Variants in PDIA6 observed in about 807,000 individuals in gnomAD.
PDIA6 encodes protein disulfide isomerase family A member 6, also known as protein disulfide-isomerase A6.
A neutral mutation model predicts 58.4 loss-of-function variants in PDIA6; 29 were observed. That is an observed-to-expected ratio of 0.50 (90% CI 0.37 to 0.68). The LOEUF (loss-of-function observed/expected upper bound fraction) is 0.68, where lower values mean the gene tolerates loss of function less well. Ranked by LOEUF, PDIA6 falls within the 30% of genes least tolerant of loss-of-function variation. The pLI is 0.00. For synonymous variants in PDIA6, 192 were observed against 202.6 expected (o/e 0.95, Z 0.44); for missense variants, 480 against 551.0 (o/e 0.87, Z 1.29).
chr2:10,806,622 T>TAAAGACAAAGAAAGACAGAAAG lies in PDIA6; in HGVS notation c.20-3983_20-3982insCTTTCTGTCTTTCTTTGTCTTT, dbSNP rs1553339909. Among the ~76,000 whole-genome samples the TAAAGACAAAGAAAGACAGAAAG allele has an allele frequency of 1.0e-4, 5 of 48,758 alleles. No individual in the cohort carries two copies. The Admixed American group carries it at 1.3e-3, about 12-fold the overall frequency. The allele number at this position is 48,758 out of a possible 152,430, so 32.0% of individuals were successfully genotyped here. On this transcript the variant is annotated intron_variant, in intron 1 of 12. Coordinates refer to ENST00000272227, the MANE Select transcript of PDIA6 (RefSeq NM_005742.4). ...TAGCAAAACCACATCTCCTAAAAAA[T>TAAAGACAAAGAAAGACAGAAAG]AAAGACAGAAAGAAAGAAAGAAAGA...
intron 2 of PDIA6, among the ~76,000 whole-genome samples, chr2:10,800,537 T>G (rs1572672292): frequency 6.7e-6 from 1 of 148,824 alleles, no homozygotes; most frequent in African/African-American, 2.4e-5. Flanking sequence ...GGTTTTTTTT[T>G]GCGATTCTAT....
At chr2:10,800,901 A>G (rs1666483354) in intron 2 of PDIA6, among the ~76,000 whole-genome samples, 1 of 152,172 alleles carries the variant, frequency 6.6e-6, no homozygotes, top group Non-Finnish European at 1.5e-5. Context: ...GTGAGCCATC[A>G]TGCCTGACCG....
rs565180851 is a variant in PDIA6 at position 10,788,065 on chromosome 2, C to CAAAAAAAAAAAAAAA, written c.998+617_999-627dup. On this transcript the variant is annotated intron_variant, in intron 10 of 12. Coordinates refer to ENST00000272227, the MANE Select transcript of PDIA6 (RefSeq NM_005742.4). Reference sequence around the variant, plus strand: ...TGGGCAAGAGAGTGAGACTCTGTCTCAAAAAAAAAAAAAAAGGATAAAATA... The same window carrying CAAAAAAAAAAAAAAA: ...TGGGCAAGAGAGTGAGACTCTGTCTCAAAAAAAAAAAAAAAAAAAAAAAAAAAAAAGGATAAAATA... Among the ~76,000 whole-genome samples, 149 of 102,130 alleles carry CAAAAAAAAAAAAAAA rather than the reference C, an allele frequency of 1.5e-3. 2 individuals carry two copies. Among genetic ancestry groups the CAAAAAAAAAAAAAAA allele is most frequent in the Admixed American group, 2.2e-3 (19 of 8,800 alleles). 67.0% of individuals were successfully genotyped at this position (102,130 alleles called of 152,430 possible).
At chr2:10,785,522 G>A (rs142656124) in intron 11 of PDIA6, among the ~76,000 whole-genome samples, 598 of 152,214 alleles carry the variant, frequency 3.9e-3, no homozygotes, top group Middle Eastern at 6.8e-3. Flanking sequence ...TGGGAAACCA[G>A]AGCCAGAAAT....
chr2:10,784,865 C>A, intron 12 of PDIA6, 69 bp downstream of exon 12: 1 of 1,157,670 alleles, frequency 8.6e-7, no homozygotes. Context: ...ACTCCAGGTG[C>A]AGAGATGCAC....
At chr2:10,794,694 C>G (rs1013786482) in intron 4 of PDIA6, among the ~76,000 whole-genome samples, 1 of 151,414 alleles carries the variant, frequency 6.6e-6, no homozygotes, top group Non-Finnish European at 1.5e-5. Flanking sequence ...TTTGGGAGGC[C>G]GAGGCAGGCG....
At position 10,789,812 on chromosome 2, in the gene PDIA6, G is replaced by A. The variant is rs138712410; in HGVS notation, c.777C>T (p.Ser259=). Residue 259 remains serine, a synonymous_variant, in exon 8 of 13, where the codon TCC becomes TCT. Coordinates refer to ENST00000272227, the MANE Select transcript of PDIA6 (RefSeq NM_005742.4). The part of the protein sequence containing the change: ...PVDYDGGRTR[S]DIVSRALDLF... The stretch of plus-strand genomic sequence containing the variant: ...AATCAAGGGCCCGGGACACGATGTC[G>A]GATCTTGTCCGCCCACCGTCATAAT... 5.7e-3 allele frequency: 9,169 copies of A among 1,613,522 alleles called. 63 individuals carry two copies. Among genetic ancestry groups the A allele is most frequent in the South Asian group, 0.02 (1,864 of 91,054 alleles).
upstream of PDIA6, among the ~76,000 whole-genome samples, chr2:10,833,938 G>A (rs1455596750): frequency 1.3e-5 from 2 of 152,220 alleles, no homozygotes; most frequent in Non-Finnish European, 2.9e-5. Flanking sequence ...CCTCCTCCCA[G>A]GTCCCACCAG....
intron 12 of PDIA6, 200 bp from the exon 13 acceptor site, chr2:10,784,526 A>G (rs182713019): frequency 3.7e-6 from 2 of 540,822 alleles, no homozygotes; most frequent in Admixed American, 7.3e-5. Flanking sequence ...ACATTTCAAC[A>G]TCACATCACT....
At chr2:10,826,735 C>A (rs1667566595) in intron 1 of PDIA6, among the ~76,000 whole-genome samples, 1 of 152,180 alleles carries the variant, frequency 6.6e-6, no homozygotes, top group East Asian at 1.9e-4. Flanking sequence ...CAGACAGAAC[C>A]TTTCCCAGTG....
chr2:10,785,016 C>A lies in PDIA6; in HGVS notation c.1172G>T (p.Gly391Val). 1 of 1,579,242 alleles carries A rather than the reference C, an allele frequency of 6.3e-7. No homozygotes were observed. Among genetic ancestry groups the A allele is most frequent in the South Asian group, 1.2e-5 (1 of 86,446 alleles). ...TCCTACAGGTGCCGTGGAGCCACGC[C>A]CAAAAGAGAGCTCCCTTAGGGAAAA... is the stretch of plus-strand genomic sequence containing the variant. ...INEFLRELSF[G>V]RGSTAPVGGG... is the part of the protein sequence containing the mutation. Residue 391 changes from glycine to valine, a missense_variant, in exon 12 of 13, where the codon GGG (glycine) becomes GTG (valine). By Grantham distance (109) the Gly-to-Val change is moderately radical (BLOSUM62 -3). Transcript: ENST00000272227.
chr2:10,832,585 C>G (rs1304560721), upstream of PDIA6: 1 of 208,374 alleles, frequency 4.8e-6, no homozygotes, highest in African/African-American at 2.4e-5. Flanking sequence ...GCTCAGGACT[C>G]GTGCGCTTTT....
chr2:10,787,201 T>C, intron 11 of PDIA6, 80 bp downstream of exon 11: 1 of 1,201,152 alleles, frequency 8.3e-7, no homozygotes, highest in Non-Finnish European at 1.2e-6. Context: ...CTGGCTTATA[T>C]ATACCTAGTT....
chr2:10,810,058 T>C (rs1272673679), intron 1 of PDIA6, among the ~76,000 whole-genome samples: 3 of 152,302 alleles, frequency 2.0e-5, no homozygotes, highest in Non-Finnish European at 4.4e-5. Context: ...CCTGTCACAC[T>C]ATGCTCCAGA....
chr2:10,820,227 T>C (rs997662334), intron 1 of PDIA6, among the ~76,000 whole-genome samples: 2 of 151,764 alleles, frequency 1.3e-5, no homozygotes, highest in African/African-American at 2.4e-5. Flanking sequence ...CCCGGAAAAA[T>C]GGGTTGTTGA....
At chr2:10,796,096 C>A (rs1666254298) in intron 4 of PDIA6, among the ~76,000 whole-genome samples, 2 of 146,122 alleles carry the variant, frequency 1.4e-5, no homozygotes, top group Admixed American at 6.8e-5. Flanking sequence ...GAGTCTCGCT[C>A]TGTCGCCTAG....
intron 11 of PDIA6, among the ~76,000 whole-genome samples, chr2:10,786,093 T>TG (rs1015044104): frequency 2.6e-5 from 4 of 151,700 alleles, no homozygotes; most frequent in African/African-American, 9.7e-5. Flanking sequence ...GAGGCTGAGG[T>TG]GGGTGGATCA....
At chr2:10,791,968 G>A (rs1384071066) in intron 5 of PDIA6, 43 bp from the exon 6 acceptor site, 1 of 1,593,994 alleles carries the variant, frequency 6.3e-7, no homozygotes, top group Middle Eastern at 1.7e-4. Context: ...GGGCCAAGAA[G>A]AACACTTTTC....
At chr2:10,793,741 A>G (rs548144463) in intron 4 of PDIA6, among the ~76,000 whole-genome samples, 1 of 152,352 alleles carries the variant, frequency 6.6e-6, no homozygotes, top group Admixed American at 6.5e-5. Flanking sequence ...AGAATAACTC[A>G]CAAATGTTTA....
Sources: gnomAD v4.1 joint callset for allele counts (sites outside exome capture counted in the v4.1 genomes callset) on GRCh38, gnomAD v4.1.1 for gene constraint, MANE v1.5 for transcripts, NCBI Gene and HGNC (gene_info 2026-07-23, HGNC 2026-07-21) for gene names.